Variants in OR5K1 observed in about 807,000 individuals in gnomAD.
OR5K1 encodes olfactory receptor 5K1.
OR5K1 carries 7 observed loss-of-function variants against 10.4 expected under a neutral mutation model. The observed-to-expected ratio is 0.67, with a 90% CI of 0.38 to 1.26. The LOEUF (loss-of-function observed/expected upper bound fraction) is 1.26, where lower values mean the gene tolerates loss of function less well. Ranked by LOEUF, OR5K1 falls within the 50% of genes most tolerant of loss-of-function variation. OR5K1 has a pLI of 0.02. For missense variants in OR5K1, 435 were observed against 366.2 expected (o/e 1.19, Z -1.53); for synonymous variants, 135 against 128.5 (o/e 1.05, Z -0.34).
intron 1 of OR5K1, 141 bp downstream of exon 1, chr3:98,463,448 G>C (rs1245131937): frequency 6.6e-6 from 1 of 152,026 alleles, no homozygotes; most frequent in Non-Finnish European, 1.5e-5. Context: ...TAAATCTAAA[G>C]TCTATTGTGT....
intron 1 of OR5K1, among the ~76,000 whole-genome samples, chr3:98,466,178 T>G (rs1559639459): frequency 6.9e-6 from 1 of 145,352 alleles, no homozygotes; most frequent in Non-Finnish European, 1.5e-5. Flanking sequence ...GATAGTTTAC[T>G]GAGAATGATG....
chr3:98,469,252 G>A (rs1277797566), intron 1 of OR5K1, among the ~76,000 whole-genome samples: 1 of 152,064 alleles, frequency 6.6e-6, no homozygotes, highest in Non-Finnish European at 1.5e-5. Flanking sequence ...TGTACAGAAA[G>A]AATGGAACGA....
At position 98,471,884 on chromosome 3, in the gene OR5K1, T is replaced by C. The variant is rs1474526228; in HGVS notation, c.*1381T>C. The C allele has an allele frequency of 1.3e-5, 2 of 152,074 alleles. No homozygotes were observed. The highest frequency in any genetic ancestry group is 2.9e-5 in the Non-Finnish European group (2 of 67,984). 9.4% of individuals were successfully genotyped at this position (152,074 alleles called of 1,614,324 possible). Reference sequence around the variant, plus strand: ...AATATAACCACCTAGTTTTTCTTTGTAACCTCCAAGAAAATCTAACCTAGT... The same window carrying C: ...AATATAACCACCTAGTTTTTCTTTGCAACCTCCAAGAAAATCTAACCTAGT... On this transcript the variant is annotated 3_prime_UTR_variant, in exon 2 of 2. Coordinates refer to ENST00000642057, the MANE Select transcript of OR5K1 (RefSeq NM_001004736.4).
intron 1 of OR5K1, among the ~76,000 whole-genome samples, chr3:98,464,703 A>G (rs1705350772): frequency 6.6e-6 from 1 of 152,210 alleles, no homozygotes; most frequent in South Asian, 2.1e-4. Context: ...GTGAAAACAC[A>G]TGACATTTGA....
Position 98,471,751 on chromosome 3 carries a change from C to A in OR5K1, c.*1248C>A, listed in dbSNP as rs1452086851. On this transcript the variant is annotated 3_prime_UTR_variant, in exon 2 of 2. Transcript: ENST00000642057. ...GCAATTGTCAAGTGCTCCAGGTTAG[C>A]CAGCCACCAGAGGCTGGCATCACAG... 9 of 151,964 alleles carry A rather than the reference C, an allele frequency of 5.9e-5. No homozygotes were observed. Among genetic ancestry groups the A allele is most frequent in the Admixed American group, 2.0e-4 (3 of 15,212 alleles). 9.4% of individuals were successfully genotyped at this position (151,964 alleles called of 1,614,324 possible). A position where few individuals can be genotyped will look rare whatever the true frequency, so the allele number is the denominator to read the frequency against.
chr3:98,467,762 CTT>C (rs1214297207), intron 1 of OR5K1, among the ~76,000 whole-genome samples: 7 of 137,518 alleles, frequency 5.1e-5, no homozygotes, highest in African/African-American at 2.0e-4. Context: ...TATCCTGAGA[CTT>C]TGCTGAAGTT....
intron 1 of OR5K1, 145 bp downstream of exon 1, chr3:98,463,452 A>G (rs544226226): frequency 6.6e-6 from 1 of 152,270 alleles, no homozygotes; most frequent in African/African-American, 2.4e-5. Context: ...TCTAAAGTCT[A>G]TTGTGTAAGC....
intron 1 of OR5K1, among the ~76,000 whole-genome samples, chr3:98,464,441 C>A (rs910061709): frequency 6.6e-6 from 1 of 152,140 alleles, no homozygotes; most frequent in Admixed American, 6.5e-5. Context: ...AACTGTCTAT[C>A]TAGAAATATC....
Position 98,472,073 on chromosome 3 carries a change from G to A in OR5K1, c.*1570G>A, listed in dbSNP as rs1439233767. On this transcript the variant is annotated 3_prime_UTR_variant, in exon 2 of 2. Transcript: ENST00000642057. Reference sequence around the variant, plus strand: ...AGGTGCCAGATTATATATGAGCTCTGTCCAAGCTATGATTCTGTGAGATGT... The same window carrying A: ...AGGTGCCAGATTATATATGAGCTCTATCCAAGCTATGATTCTGTGAGATGT... 1 of 152,078 alleles carries A rather than the reference G, an allele frequency of 6.6e-6. No homozygotes were observed. Among genetic ancestry groups the A allele is most frequent in the Non-Finnish European group, 1.5e-5 (1 of 67,964 alleles). The allele number at this position is 152,078 out of a possible 1,614,324, so 9.4% of individuals were successfully genotyped here. A position where few individuals can be genotyped will look rare whatever the true frequency, so the allele number is the denominator to read the frequency against.
chr3:98,470,203 T>G lies in OR5K1; in HGVS notation c.627T>G (p.Phe209Leu). The change falls in exon 2 of 2, where the codon TTT (phenylalanine) becomes TTG (leucine). Residue 209 changes from phenylalanine to leucine, a missense_variant. Transcript: ENST00000642057. ...TCTTCTCAGGTTCAGTTCAAGTCTT[T>G]ACCATAGGTAGTGTCTTAATATCTT... ...LFIFSGSVQV[F>L]TIGSVLISYL... The G allele has an allele frequency of 6.2e-7, 1 of 1,613,220 alleles. No homozygotes were observed. The highest frequency in any genetic ancestry group is 8.5e-7 in the Non-Finnish European group (1 of 1,179,520).
Position 98,472,516 on chromosome 3 carries a change from T to C in OR5K1, c.*2013T>C, listed in dbSNP as rs1427999543. 1 of 151,916 alleles carries C rather than the reference T, an allele frequency of 6.6e-6. No individual in the cohort carries two copies. Among genetic ancestry groups the C allele is most frequent in the African/African-American group, 2.4e-5 (1 of 41,378 alleles). 9.4% of individuals were successfully genotyped at this position (151,916 alleles called of 1,614,324 possible). On this transcript the variant is annotated 3_prime_UTR_variant, in exon 2 of 2. Transcript: ENST00000642057. ...ACCTTTTCCAGGCAACACGAACTCT[T>C]CCCTTCTTGATGTTGCTTTTTTTCC... is the stretch of plus-strand genomic sequence containing the variant.
Position 98,471,294 on chromosome 3 carries a change from C to T in OR5K1, c.*791C>T, listed in dbSNP as rs1275118288. 6.6e-6 allele frequency: 1 copy of T among 151,866 alleles called. No individual in the cohort carries two copies. The highest frequency in any genetic ancestry group is 1.5e-5 in the Non-Finnish European group (1 of 67,952). The allele number at this position is 151,866 out of a possible 1,614,324, so 9.4% of individuals were successfully genotyped here. On this transcript the variant is annotated 3_prime_UTR_variant, in exon 2 of 2. Coordinates refer to ENST00000642057, the MANE Select transcript of OR5K1 (RefSeq NM_001004736.4). ...GAGTTAGGTGCAATGTCTCTGTGCT[C>T]CTACTTGAGAGGTGAGGAAAGGTTT...
chr3:98,464,528 C>T (rs1232096126), intron 1 of OR5K1, among the ~76,000 whole-genome samples: 1 of 152,124 alleles, frequency 6.6e-6, no homozygotes, highest in Non-Finnish European at 1.5e-5. Flanking sequence ...TCAATTAATA[C>T]ATGATTCCCA....
intron 1 of OR5K1, among the ~76,000 whole-genome samples, chr3:98,463,884 T>A (rs1387768034): frequency 2.0e-5 from 3 of 152,188 alleles, no homozygotes; most frequent in African/African-American, 4.8e-5. Flanking sequence ...AACTTCAAGC[T>A]GGCAAGGGCA....
intron 1 of OR5K1, 127 bp from the exon 2 acceptor site, chr3:98,469,439 T>G (rs915098961): frequency 2.5e-6 from 2 of 815,890 alleles, no homozygotes; most frequent in Non-Finnish European, 3.8e-6. Flanking sequence ...GAATGGGGCA[T>G]GCACCAAAGT....
chr3:98,465,593 T>C (rs902896107), intron 1 of OR5K1, among the ~76,000 whole-genome samples: 4 of 152,174 alleles, frequency 2.6e-5, no homozygotes, highest in Non-Finnish European at 4.4e-5. Context: ...CTATATATTA[T>C]CATTTCTTTT....
At position 98,470,250 on chromosome 3, in the gene OR5K1, T is replaced by A; in HGVS notation, c.674T>A (p.Ile225Asn). 6.2e-7 allele frequency: 1 copy of A among 1,613,306 alleles called. No homozygotes were observed. The highest frequency in any genetic ancestry group is 8.5e-7 in the Non-Finnish European group (1 of 1,179,572). ...LISYLYILLT[I>N]FKMKSKEGRA... ...TCTTATCTCTATATTCTTCTTACTA[T>A]TTTCAAAATGAAATCCAAAGAGGGA... Residue 225 changes from isoleucine (I) to asparagine (N), a missense_variant, in exon 2 of 2, where the codon ATT becomes AAT. Coordinates refer to ENST00000642057, the MANE Select transcript of OR5K1 (RefSeq NM_001004736.4).
intron 1 of OR5K1, among the ~76,000 whole-genome samples, chr3:98,464,478 C>T (rs1009322397): frequency 2.6e-5 from 4 of 151,954 alleles, no homozygotes; most frequent in Admixed American, 1.3e-4. Context: ...CCTTTCAAAG[C>T]AAGTAGGTAG....
At position 98,470,293 on chromosome 3, in the gene OR5K1, T is replaced by C. The variant is rs771220349; in HGVS notation, c.717T>C (p.Ser239=). The C allele has an allele frequency of 6.2e-7, 1 of 1,613,372 alleles. No homozygotes were observed. Among genetic ancestry groups the C allele is most frequent in the Non-Finnish European group, 8.5e-7 (1 of 1,179,606 alleles). The change falls in exon 2 of 2, where the codon TCT becomes TCC. Residue 239 remains serine, a synonymous_variant. Transcript: ENST00000642057. The part of the protein sequence containing the change: ...KSKEGRAKAF[S]TCASHFLSVS... The stretch of plus-strand genomic sequence containing the variant: ...AAGAGGGAAGGGCCAAAGCTTTTTC[T>C]ACCTGTGCATCCCACTTTTTGTCAG...
Sources: allele counts gnomAD v4.1 joint callset (sites outside exome capture counted in the v4.1 genomes callset), GRCh38; gene constraint gnomAD v4.1.1; transcripts MANE v1.5; gene names NCBI Gene and HGNC (gene_info 2026-07-23, HGNC 2026-07-21).